RBFOX1: variants seen among roughly 807,000 people sequenced by gnomAD.
RBFOX1 encodes the protein RNA binding fox-1 homolog 1, also known as RNA binding protein fox-1 homolog 1.
A neutral mutation model predicts 57.7 loss-of-function variants in RBFOX1; 8 were observed. That is an observed-to-expected ratio of 0.14 (90% CI 0.08 to 0.25). The LOEUF is 0.25. Ranked by LOEUF, RBFOX1 falls within the 10% of genes least tolerant of loss-of-function variation. The pLI, the probability that RBFOX1 is intolerant of heterozygous loss-of-function variation, is 1.00. For missense variants in RBFOX1, 611 were observed against 548.5 expected (o/e 1.11, Z -1.14); for synonymous variants, 326 against 222.4 (o/e 1.47, Z -4.15).
chr16:5,343,449 G>C (rs1413381552), intron 1 of RBFOX1, among the ~76,000 whole-genome samples: 1 of 150,716 alleles, frequency 6.6e-6, no homozygotes, highest in Non-Finnish European at 1.5e-5. Context: ...TGAGTAGCTG[G>C]GACTACAGGT....
chr16:6,737,707 G>A (rs74982469), intron 3 of RBFOX1, among the ~76,000 whole-genome samples: 14,766 of 152,140 alleles, frequency 0.097, 954 homozygotes, highest in African/African-American at 0.17. Flanking sequence ...CAGAGCCTTA[G>A]GTTGGATGAA....
intron 4 of RBFOX1, among the ~76,000 whole-genome samples, chr16:7,125,257 G>A (rs764887077): frequency 2.6e-5 from 4 of 152,128 alleles, no homozygotes; most frequent in South Asian, 4.1e-4. Flanking sequence ...TGGGGTTGTC[G>A]TTCAGCCTTT....
At chr16:5,961,372 A>G (rs1017679718) in intron 4 of RBFOX1, among the ~76,000 whole-genome samples, 16 of 152,272 alleles carry the variant, frequency 1.1e-4, no homozygotes, top group East Asian at 3.9e-4. Flanking sequence ...AAATTACTCA[A>G]TAGCAAAGCC....
chr16:6,524,658 T>C (rs1320347680), intron 2 of RBFOX1, among the ~76,000 whole-genome samples: 2 of 152,192 alleles, frequency 1.3e-5, no homozygotes, highest in Non-Finnish European at 2.9e-5. Flanking sequence ...CTCACATTTC[T>C]AGAGGCTTAA....
At chr16:5,855,549 TTCTAGGC>T (rs1189725084) in intron 3 of RBFOX1, among the ~76,000 whole-genome samples, 1 of 152,230 alleles carries the variant, frequency 6.6e-6, no homozygotes, top group Non-Finnish European at 1.5e-5. Flanking sequence ...CTGAATTTAT[TTCTAGGC>T]TCTCTATTCT....
chr16:5,436,671 C>G (rs1326970723), intron 1 of RBFOX1, among the ~76,000 whole-genome samples: 1 of 152,090 alleles, frequency 6.6e-6, no homozygotes, highest in Non-Finnish European at 1.5e-5. Context: ...AACCCCATCT[C>G]TACTCAAAAT....
chr16:6,892,430 G>C (rs2065673889), intron 3 of RBFOX1, among the ~76,000 whole-genome samples: 1 of 152,150 alleles, frequency 6.6e-6, no homozygotes, highest in South Asian at 2.1e-4. Flanking sequence ...AGCACTTTAG[G>C]AGGCCGAAGT....
chr16:7,253,159 C>T (rs1048094686), intron 4 of RBFOX1, among the ~76,000 whole-genome samples: 5 of 152,194 alleles, frequency 3.3e-5, no homozygotes, highest in Admixed American at 6.5e-5. Context: ...GATAAAATCT[C>T]TTCTCCACTT....
intron 2 of RBFOX1, among the ~76,000 whole-genome samples, chr16:5,594,397 G>C (rs948153643): frequency 1.3e-5 from 2 of 152,150 alleles, no homozygotes; most frequent in Non-Finnish European, 2.9e-5. Flanking sequence ...TTCCAGGGTT[G>C]AGGACACAGG....
chr16:5,607,985 T>C (rs537052618), intron 3 of RBFOX1, among the ~76,000 whole-genome samples: 1 of 152,320 alleles, frequency 6.6e-6, no homozygotes, highest in South Asian at 2.1e-4. Context: ...CGTGCACCTG[T>C]TGTTTGGTGG....
chr16:6,939,222 A>G (rs1021757198), intron 3 of RBFOX1, among the ~76,000 whole-genome samples: 2 of 152,212 alleles, frequency 1.3e-5, no homozygotes, highest in African/African-American at 4.8e-5. Flanking sequence ...AATTTGATAT[A>G]TAAAAACCAT....
intron 2 of RBFOX1, among the ~76,000 whole-genome samples, chr16:6,429,486 A>G (rs1330748451): frequency 6.6e-6 from 1 of 152,216 alleles, no homozygotes; most frequent in Non-Finnish European, 1.5e-5. Context: ...TTCTTCATTC[A>G]TTCATCCATG....
intron 3 of RBFOX1, among the ~76,000 whole-genome samples, chr16:7,009,514 C>G (rs557371453): frequency 2.6e-5 from 4 of 151,982 alleles, no homozygotes; most frequent in Non-Finnish European, 5.9e-5. Context: ...ATCCAACAGA[C>G]TTGCATTAAT....
intron 2 of RBFOX1, among the ~76,000 whole-genome samples, chr16:6,391,763 A>G (rs2152934175): frequency 6.6e-6 from 1 of 152,302 alleles, no homozygotes; most frequent in Non-Finnish European, 1.5e-5. Flanking sequence ...GAGAAGGAGA[A>G]GATTAAGTAC....
intron 5 of RBFOX1, among the ~76,000 whole-genome samples, chr16:7,569,176 C>T (rs2092490341): frequency 6.6e-6 from 1 of 152,096 alleles, no homozygotes; most frequent in Admixed American, 6.5e-5. Flanking sequence ...GATGAGCGTG[C>T]AATAGTTTTC....
At chr16:7,667,011 C>T (rs930727202) in intron 13 of RBFOX1, among the ~76,000 whole-genome samples, 4 of 152,150 alleles carry the variant, frequency 2.6e-5, no homozygotes, top group African/African-American at 9.7e-5. Flanking sequence ...CGACCCCCAG[C>T]CAGAAATTAT....
At chr16:6,842,264 A>G (rs895351411) in intron 3 of RBFOX1, among the ~76,000 whole-genome samples, 1 of 152,132 alleles carries the variant, frequency 6.6e-6, no homozygotes, top group African/African-American at 2.4e-5. Context: ...TCTGTGGCAT[A>G]TATTTTTCTG....
At chr16:6,990,974 C>T (rs1164176197) in intron 3 of RBFOX1, among the ~76,000 whole-genome samples, 1 of 152,002 alleles carries the variant, frequency 6.6e-6, no homozygotes, top group Non-Finnish European at 1.5e-5. Flanking sequence ...TTTTAAAGCT[C>T]TGTGTCCAGA....
chr16:6,566,024 C>G (rs769746441), intron 2 of RBFOX1, among the ~76,000 whole-genome samples: 1 of 152,212 alleles, frequency 6.6e-6, no homozygotes, highest in African/African-American at 2.4e-5. Flanking sequence ...ACAGGTTACA[C>G]CTCTTCTGCG....
Sources: allele counts gnomAD v4.1 joint callset (sites outside exome capture counted in the v4.1 genomes callset), GRCh38; gene constraint gnomAD v4.1.1; transcripts MANE v1.5; gene names NCBI Gene and HGNC (gene_info 2026-07-23, HGNC 2026-07-21).